The following PI4K2A variants were observed in gnomAD, a reference collection of about 807,000 sequenced individuals.
The protein encoded by PI4K2A is phosphatidylinositol 4-kinase type 2-alpha.
PI4K2A carries 20 observed loss-of-function variants against 55.0 expected under a neutral mutation model. The observed-to-expected ratio is 0.36, with a 90% CI of 0.26 to 0.53. PI4K2A has a LOEUF of 0.53. PI4K2A is among the 20% of genes least tolerant of loss of function. The pLI, the probability that PI4K2A is intolerant of heterozygous loss-of-function variation, is 0.91. For synonymous variants in PI4K2A, 235 were observed against 258.5 expected (o/e 0.91, Z 0.87); for missense variants, 463 against 637.1 (o/e 0.73, Z 2.94).
intron 1 of PI4K2A, among the ~76,000 whole-genome samples, chr10:97,645,825 C>T (rs2041502483): frequency 6.6e-6 from 1 of 151,764 alleles, no homozygotes. Flanking sequence ...GTTGGGATTA[C>T]AGGTGTGAGC....
rs571079729 is a variant in PI4K2A, at chr10:97,657,597, G to A, written c.922+623G>A. On this transcript the variant is annotated intron_variant, in intron 4 of 8. Transcript: ENST00000370631. ...GTGGGAGAATCGCTTGAACCTGGGAGGCGGAGGTTGCAGTGAGTCAGAATT... is the reference window on the plus strand; with the variant it reads ...GTGGGAGAATCGCTTGAACCTGGGAAGCGGAGGTTGCAGTGAGTCAGAATT... Among the ~76,000 whole-genome samples the A allele has an allele frequency of 1.4e-3, 208 of 151,814 alleles. 1 individual carries two copies. The highest frequency in any genetic ancestry group is 2.5e-3 in the Non-Finnish European group (169 of 67,940).
At chr10:97,642,849 TCC>T (rs1491250457) in intron 1 of PI4K2A, among the ~76,000 whole-genome samples, 10 of 17,910 alleles carry the variant, frequency 5.6e-4, no homozygotes, top group South Asian at 2.1e-3. Flanking sequence ...CTTCCTTCCT[TCC>T]TTTCTTTCTT....
chr10:97,642,880 TCTTTCTTCCTTC>T (rs2041483354), intron 1 of PI4K2A, among the ~76,000 whole-genome samples: 15 of 116,138 alleles, frequency 1.3e-4, no homozygotes, highest in Admixed American at 4.9e-4. Context: ...TTTCTTTCTT[TCTTTCTTCCTTC>T]CTTCCTTCCT....
rs1482696618 is a variant in PI4K2A at position 97,642,933 on chromosome 10, CCTTT to C, written c.435+1767_435+1770del. The stretch of plus-strand genomic sequence containing the variant: ...CCTTCCTTCCTTCCTTCCTTTCTTT[CCTTT>C]CTTTCTTTCTCTTTCTTTCTTTTTC... On this transcript the variant is annotated intron_variant, in intron 1 of 8. Coordinates refer to ENST00000370631, the Ensembl canonical transcript of PI4K2A. Among the ~76,000 whole-genome samples the C allele has an allele frequency of 2.9e-3, 409 of 141,564 alleles. 6 individuals carry two copies. The highest frequency in any genetic ancestry group is 0.011 in the African/African-American group (386 of 36,040). The allele number at this position is 141,564 out of a possible 152,430, so 92.9% of individuals were successfully genotyped here. A position where few individuals can be genotyped will look rare whatever the true frequency, so the allele number is the denominator to read the frequency against.
At chr10:97,663,756 G>C (rs180773831) in intron 5 of PI4K2A, among the ~76,000 whole-genome samples, 2 of 150,422 alleles carry the variant, frequency 1.3e-5, no homozygotes, top group African/African-American at 4.9e-5. Flanking sequence ...GGAGGCTGAG[G>C]TTGCAGTGAG....
At position 97,642,678 on chromosome 10, in the gene PI4K2A, C is replaced by T. The variant is rs569288839; in HGVS notation, c.435+1501C>T. ...CGCTGGGATTACAGGCGTGCCACCG[C>T]GCCCGGCCTCCAAGTTTCTTAAATA... On this transcript the variant is annotated intron_variant, in intron 1 of 8. Transcript: ENST00000370631. Among the ~76,000 whole-genome samples, 8 of 152,096 alleles carry T rather than the reference C, an allele frequency of 5.3e-5. No homozygotes were observed. The East Asian group carries it at 1.6e-3, about 29-fold the overall frequency.
At chr10:97,660,193 G>A (rs558479573) in intron 4 of PI4K2A, among the ~76,000 whole-genome samples, 2 of 150,674 alleles carry the variant, frequency 1.3e-5, no homozygotes, top group South Asian at 2.1e-4. Context: ...AGTAGAGATG[G>A]GGTTTCACCG....
intron 1 of PI4K2A, among the ~76,000 whole-genome samples, chr10:97,646,005 G>C (rs1018423219): frequency 1.3e-5 from 2 of 152,062 alleles, no homozygotes; most frequent in Admixed American, 1.3e-4. Context: ...CAGGGATCTT[G>C]ACCTCTGGGA....
At chr10:97,669,155 T>C (rs1367548874) in intron 8 of PI4K2A, among the ~76,000 whole-genome samples, 1 of 152,172 alleles carries the variant, frequency 6.6e-6, no homozygotes, top group Non-Finnish European at 1.5e-5. Context: ...AGTGAGCCAC[T>C]GAGCCCGGCC....
chr10:97,653,753 C>T (rs1468701125), intron 2 of PI4K2A, among the ~76,000 whole-genome samples: 1 of 152,160 alleles, frequency 6.6e-6, no homozygotes, highest in African/African-American at 2.4e-5. Context: ...CCTGTCTCTA[C>T]TAAAAATACA....
intron 2 of PI4K2A, among the ~76,000 whole-genome samples, chr10:97,654,998 A>G (rs1374248725): frequency 6.6e-6 from 1 of 152,220 alleles, no homozygotes; most frequent in Non-Finnish European, 1.5e-5. Flanking sequence ...TAGCCTATAC[A>G]TAAAAATAGC....
intron 1 of PI4K2A, among the ~76,000 whole-genome samples, chr10:97,644,434 G>T (rs1053904160): frequency 6.6e-6 from 1 of 152,314 alleles, no homozygotes; most frequent in African/African-American, 2.4e-5. Context: ...ATATGTGACA[G>T]ATATTTTAAA....
chr10:97,655,412 A>AGG (rs2041549005), intron 2 of PI4K2A, among the ~76,000 whole-genome samples: 1 of 151,714 alleles, frequency 6.6e-6, no homozygotes. Context: ...AAGGAAATGA[A>AGG]GGGGTACAGA....
At chr10:97,670,088 T>TG (rs1258791471) in intron 8 of PI4K2A, among the ~76,000 whole-genome samples, 1 of 151,872 alleles carries the variant, frequency 6.6e-6, no homozygotes, top group Non-Finnish European at 1.5e-5. Flanking sequence ...TTTTAAGAGG[T>TG]GGGGTCTCGC....
intron 1 of PI4K2A, among the ~76,000 whole-genome samples, chr10:97,647,713 T>C (rs1213883794): frequency 2.0e-5 from 3 of 151,782 alleles, no homozygotes; most frequent in East Asian, 1.9e-4. Context: ...CCATTCTTCA[T>C]ACTCTAACAT....
At chr10:97,658,644 A>G (rs565305361) in intron 4 of PI4K2A, among the ~76,000 whole-genome samples, 25 of 152,312 alleles carry the variant, frequency 1.6e-4, no homozygotes, top group Non-Finnish European at 2.6e-4. Flanking sequence ...GTGCCATTTT[A>G]CATTCCCACC....
At position 97,642,881 on chromosome 10, in the gene PI4K2A, CTTT is replaced by C. The variant is rs2041483545; in HGVS notation, c.435+1705_435+1707del. On this transcript the variant is annotated intron_variant, in intron 1 of 8. Transcript: ENST00000370631. ...TTTCTTTCTTTTTCTTTCTTTCTTT[CTTT>C]CTTCCTTCCTTCCTTCCTTCCTTCC... is the stretch of plus-strand genomic sequence containing the variant. Among the ~76,000 whole-genome samples, 8 of 121,058 alleles carry C rather than the reference CTTT, an allele frequency of 6.6e-5. 1 individual carries two copies. Among genetic ancestry groups the C allele is most frequent in the South Asian group, 2.6e-4 (1 of 3,824 alleles). The allele number at this position is 121,058 out of a possible 152,430, so 79.4% of individuals were successfully genotyped here.
chr10:97,656,502 A>C lies in PI4K2A; in HGVS notation c.768+86A>C. 1 of 1,285,512 alleles carries C rather than the reference A, an allele frequency of 7.8e-7. No individual in the cohort carries two copies. Among genetic ancestry groups the C allele is most frequent in the Non-Finnish European group, 1.1e-6 (1 of 899,978 alleles). The allele number at this position is 1,285,512 out of a possible 1,614,324, so 79.6% of individuals were successfully genotyped here. A position where few individuals can be genotyped will look rare whatever the true frequency, so the allele number is the denominator to read the frequency against. ...GGTGAAGCAAGGTGCCTACAACTCAAATATGGGCACGTGAATAACCTGCCC... is the reference window on the plus strand; with the variant it reads ...GGTGAAGCAAGGTGCCTACAACTCACATATGGGCACGTGAATAACCTGCCC... On this transcript the variant is annotated intron_variant, in intron 3 of 8. Coordinates refer to ENST00000370631, the Ensembl canonical transcript of PI4K2A. The surrounding 1 kb of genome is among the most constrained non-coding windows in gnomAD (Gnocchi z 4.5).
At chr10:97,672,722 GTTCTTTTTTTT>G (rs1238774254) in intron 8 of PI4K2A, among the ~76,000 whole-genome samples, 1 of 94,790 alleles carries the variant, frequency 1.1e-5, no homozygotes, top group Non-Finnish European at 2.0e-5. Context: ...CAGAGGGTCT[GTTCTTTTTTTT>G]TTTTTTTTTT....
Sources: allele counts gnomAD v4.1 joint callset (sites outside exome capture counted in the v4.1 genomes callset), GRCh38; gene constraint gnomAD v4.1.1; non-coding constraint Gnocchi (gnomAD v3.1); transcripts MANE v1.5; gene names NCBI Gene and HGNC (gene_info 2026-07-23, HGNC 2026-07-21).